TULP2: variants seen among roughly 807,000 people sequenced by gnomAD.
TULP2 encodes the protein TUB like protein 2, also known as tubby-related protein 2.
A neutral mutation model predicts 60.3 loss-of-function variants in TULP2; 64 were observed. The observed-to-expected ratio is 1.06, with a 90% CI of 0.87 to 1.31. The LOEUF (loss-of-function observed/expected upper bound fraction) is 1.31. TULP2 is among the 50% of genes most tolerant of loss of function. The pLI is 0.00. For synonymous variants in TULP2, 267 were observed against 265.4 expected (o/e 1.01, Z -0.06); for missense variants, 652 against 667.0 (o/e 0.98, Z 0.25).
chr19:48,890,023 A>G lies in TULP2; in HGVS notation c.515-392T>C, dbSNP rs563793627. ...TGAAATATGGCCTCGTGGGAAGGGA[A>G]AGACCTGACCGTCCCCCAGCCCGAC... is the stretch of plus-strand genomic sequence containing the variant. On this transcript the variant is annotated intron_variant, in intron 6 of 12. Transcript: ENST00000221399. Among the ~76,000 whole-genome samples, 17 of 152,332 alleles carry G rather than the reference A, an allele frequency of 1.1e-4. No individual in the cohort carries two copies. In the East Asian group the frequency reaches 3.3e-3, roughly 29 times the overall value.
At chr19:48,882,507 G>A (rs1405001558) in intron 11 of TULP2, among the ~76,000 whole-genome samples, 1 of 152,096 alleles carries the variant, frequency 6.6e-6, no homozygotes, top group Admixed American at 6.6e-5. Flanking sequence ...TCTGCAGAAA[G>A]GGTACACTCA....
chr19:48,888,430 G>C (rs2122126784), intron 7 of TULP2, among the ~76,000 whole-genome samples, 169 bp from the exon 8 acceptor site: 1 of 152,198 alleles, frequency 6.6e-6, no homozygotes, highest in South Asian at 2.1e-4. Context: ...CTGTTGACTG[G>C]CCAGTCTATT....
chr19:48,895,321 G>C, intron 5 of TULP2, 45 bp downstream of exon 5: 1 of 1,601,546 alleles, frequency 6.2e-7, no homozygotes, highest in Non-Finnish European at 8.5e-7. Flanking sequence ...GGTTTTAGTG[G>C]GGACGGAGTT....
Position 48,882,047 on chromosome 19 carries a change from C to T in TULP2, c.1432G>A (p.Val478Met). ...AGGAGCTCACGGTGTTTGGGATCCA[C>T]GATTTGGAAGTTCTTCACCGAAGCC... Reference protein sequence around the residue: ...TRASVKNFQIVDPKHQEHLVL... With the variant: ...TRASVKNFQIMDPKHQEHLVL... Residue 478 changes from valine (V) to methionine (M), a missense_variant, in exon 12 of 13, where the codon GTG becomes ATG. Coordinates refer to ENST00000221399, the MANE Select transcript of TULP2 (RefSeq NM_003323.3). 6.2e-7 allele frequency: 1 copy of T among 1,614,172 alleles called. No individual in the cohort carries two copies. The highest frequency in any genetic ancestry group is 8.5e-7 in the Non-Finnish European group (1 of 1,180,042).
Position 48,883,937 on chromosome 19 carries a change from A to G in TULP2, c.1171T>C (p.Cys391Arg). The G allele has an allele frequency of 1.2e-6, 2 of 1,613,918 alleles. No individual in the cohort carries two copies. Among genetic ancestry groups the G allele is most frequent in the Non-Finnish European group, 8.5e-7 (1 of 1,179,950 alleles). ...CTCATCCCCAGGACACTCACATAAC[A>G]CACAGCCCCCAGCTCCTGTCTGATC... ...ARIRQELGAVCYEPNVLGYLG... is the reference protein window; with the variant it reads ...ARIRQELGAVRYEPNVLGYLG... Residue 391 changes from cysteine to arginine, a missense_variant, in exon 10 of 13, where the codon TGT (cysteine) becomes CGT (arginine). Physicochemically the swap from Cys to Arg is radical, Grantham distance 180. Transcript: ENST00000221399.
At position 48,889,514 on chromosome 19, in the gene TULP2, T is replaced by C. The variant is rs766642518; in HGVS notation, c.632A>G (p.Gln211Arg). The C allele has an allele frequency of 1.3e-6, 2 of 1,569,596 alleles. No individual in the cohort carries two copies. Among genetic ancestry groups the C allele is most frequent in the Admixed American group, 1.7e-5 (1 of 59,312 alleles). Residue 211 changes from glutamine to arginine, a missense_variant, in exon 7 of 13, where the codon CAA (glutamine) becomes CGA (arginine). Transcript: ENST00000221399. ...GDCVYENLAF[Q>R]KEEDLEKKRE... ...AGTGATTGTGCATTTTCCTACCTTT[T>C]GGAAGGCCAAGTTTTCATATACACA...
chr19:48,882,170 C>T lies in TULP2; in HGVS notation c.1309G>A (p.Gly437Arg). Residue 437 changes from glycine (G) to arginine (R), a missense_variant, in exon 12 of 13, where the codon GGG becomes AGG. Transcript: ENST00000221399. ...AACAAAAGCAACCCTTGTTTGTCCC[C>T]ACGTTGGTAACGACTCAGTAGCGAC... Reference protein sequence around the residue: ...QESLLSRYQRGDKQGLLLLHN... With the variant: ...QESLLSRYQRRDKQGLLLLHN... 6.2e-7 allele frequency: 1 copy of T among 1,614,206 alleles called. No individual in the cohort carries two copies.
intron 9 of TULP2, among the ~76,000 whole-genome samples, chr19:48,884,878 A>G (rs942890147): frequency 1.0e-5 from 1 of 97,898 alleles, no homozygotes; most frequent in African/African-American, 3.5e-5. Flanking sequence ...TAGCCTCCCT[A>G]TTTTATTTAA....
At chr19:48,894,922 T>C (rs2037264407) in intron 6 of TULP2, 76 bp downstream of exon 6, 1 of 1,513,326 alleles carries the variant, frequency 6.6e-7, no homozygotes, top group South Asian at 1.3e-5. Context: ...TCAGTGAAGC[T>C]GCTGCCTAAG....
At chr19:48,891,844 G>A (rs1012703137) in intron 6 of TULP2, among the ~76,000 whole-genome samples, 2 of 152,160 alleles carry the variant, frequency 1.3e-5, no homozygotes, top group African/African-American at 2.4e-5. Flanking sequence ...GTGATGGTGG[G>A]GAGAGGGTCA....
Position 48,885,445 on chromosome 19 carries a change from C to A in TULP2, c.1061+3G>T, listed in dbSNP as rs375077488. On this transcript the variant is annotated splice_donor_region_variant and intron_variant, in intron 9 of 12. Transcript: ENST00000221399. The stretch of plus-strand genomic sequence containing the variant: ...CCTCACCACATGTCAGAGCTCTACC[C>A]ACCTGACTTTGCCCACGAAATTGTC... 5.0e-6 allele frequency: 8 copies of A among 1,613,208 alleles called. No individual in the cohort carries two copies. The highest frequency in any genetic ancestry group is 6.8e-6 in the Non-Finnish European group (8 of 1,179,286).
chr19:48,884,541 C>T (rs1346562943), intron 9 of TULP2, among the ~76,000 whole-genome samples: 12 of 151,998 alleles, frequency 7.9e-5, no homozygotes, highest in Admixed American at 2.0e-4. Flanking sequence ...GAGGCCAAGG[C>T]GGGTGGATCA....
chr19:48,885,357 G>A (rs1370641858), intron 9 of TULP2, 91 bp downstream of exon 9: 1 of 1,032,850 alleles, frequency 9.7e-7, no homozygotes, highest in Non-Finnish European at 1.5e-6. Context: ...GCAGGTGGAA[G>A]GTATGCTCTG....
chr19:48,885,636 C>A, intron 8 of TULP2, 76 bp from the exon 9 acceptor site: 5 of 1,390,790 alleles, frequency 3.6e-6, no homozygotes, highest in Non-Finnish European at 4.0e-6. Context: ...GTAATCCCTG[C>A]ACTTTGGGAG....
rs770535155 is a variant in TULP2 at position 48,897,243 on chromosome 19, C to T, written c.84+102G>A. On this transcript the variant is annotated intron_variant, in intron 3 of 12. Coordinates refer to ENST00000221399, the MANE Select transcript of TULP2 (RefSeq NM_003323.3). This position sits in a 1 kb window ranked among gnomAD's most constrained non-coding sequence, Gnocchi z 4.0. The stretch of plus-strand genomic sequence containing the variant: ...GGGAAAACTCAAGGATGAGAGACAG[C>T]CAACACGGGCTGGGAGTCCTAGAGC... The T allele has an allele frequency of 2.3e-4, 292 of 1,295,316 alleles. No homozygotes were observed. The highest frequency in any genetic ancestry group is 3.1e-4 in the Non-Finnish European group (282 of 909,998). 80.2% of individuals were successfully genotyped at this position (1,295,316 alleles called of 1,614,324 possible).
At position 48,881,019 on chromosome 19, in the gene TULP2, A is replaced by G. The variant is rs145363054; in HGVS notation, c.1555T>C (p.Phe519Leu). 56 of 1,613,314 alleles carry G rather than the reference A, an allele frequency of 3.5e-5. No homozygotes were observed. The African/African-American group carries it at 7.4e-4, about 21-fold the overall frequency. Reference protein sequence around the residue: ...LQAFSICLSSFN With the variant: ...LQAFSICLSSLN The stretch of plus-strand genomic sequence containing the variant: ...TATTCAACAGCCAGCTTCTAATTGA[A>G]ACTGGACAAGCAGATGCTGAAGGCC... Residue 519 changes from phenylalanine (F) to leucine (L), a missense_variant, in exon 13 of 13, where the codon TTC becomes CTC. Physicochemically the swap from Phe to Leu is conservative, Grantham distance 22. Transcript: ENST00000221399.
intron 6 of TULP2, among the ~76,000 whole-genome samples, chr19:48,894,081 G>A (rs974337092): frequency 1.3e-5 from 2 of 151,912 alleles, no homozygotes; most frequent in Non-Finnish European, 2.9e-5. Flanking sequence ...CACCCAGGCT[G>A]GAGTACAGTG....
At chr19:48,889,453 G>T in intron 7 of TULP2, 57 bp downstream of exon 7, 1 of 1,529,862 alleles carries the variant, frequency 6.5e-7, no homozygotes, top group Non-Finnish European at 8.9e-7. Context: ...ACCCTCACCA[G>T]AGGTCCGAGG....
chr19:48,881,948 G>C (rs573344595), intron 12 of TULP2, 84 bp downstream of exon 12: 1 of 1,579,878 alleles, frequency 6.3e-7, no homozygotes, highest in South Asian at 1.1e-5. Flanking sequence ...ACGCTCAAGT[G>C]ATGATGGGAG....
Sources: gnomAD v4.1 joint callset for allele counts (sites outside exome capture counted in the v4.1 genomes callset) on GRCh38, gnomAD v4.1.1 for gene constraint, Gnocchi (gnomAD v3.1) non-coding constraint, MANE v1.5 for transcripts, NCBI Gene and HGNC (gene_info 2026-07-23, HGNC 2026-07-21) for gene names.